ZNF670: variants seen among roughly 807,000 people sequenced by gnomAD.
ZNF670 encodes zinc finger protein 670.
A neutral mutation model predicts 10.9 loss-of-function variants in ZNF670; 7 were observed. That is an observed-to-expected ratio of 0.64 (90% CI 0.36 to 1.20). The LOEUF (loss-of-function observed/expected upper bound fraction) is 1.20. Ranked by LOEUF, ZNF670 falls within the 50% of genes most tolerant of loss-of-function variation. ZNF670 has a pLI of 0.02. For synonymous variants in ZNF670, 136 were observed against 152.7 expected (o/e 0.89, Z 0.81); for missense variants, 446 against 458.6 (o/e 0.97, Z 0.25).
In ZNF670 at chr1:247,059,841, G is replaced by A. The variant is rs527336207; in HGVS notation, c.3+18753C>T. 1.4e-3 allele frequency among the ~76,000 whole-genome samples: 210 copies of A among 152,198 alleles called. 2 individuals carry two copies. Among genetic ancestry groups the A allele is most frequent in the African/African-American group, 4.8e-3 (201 of 41,536 alleles). On this transcript the variant is annotated intron_variant, in intron 1 of 3. Transcript: ENST00000366503. ...TACAATGTAAGGTTAATATACAAAA[G>A]CCAATTATTTTTCTGTATATTAGCA...
intron 1 of ZNF670, among the ~76,000 whole-genome samples, chr1:247,074,002 T>C (rs1238403014): frequency 6.6e-6 from 1 of 152,122 alleles, no homozygotes; most frequent in Non-Finnish European, 1.5e-5. Flanking sequence ...CAGGGGAAGA[T>C]GGGGTGAGTA....
chr1:247,060,647 C>G (rs974057141), intron 1 of ZNF670, among the ~76,000 whole-genome samples: 5 of 152,036 alleles, frequency 3.3e-5, no homozygotes, highest in African/African-American at 4.8e-5. Context: ...TTTCTGCAAA[C>G]CTAAATGTGC....
Position 247,078,698 on chromosome 1 carries a change from A to G in ZNF670, c.-102T>C. On this transcript the variant is annotated 5_prime_UTR_variant, in exon 1 of 4. Transcript: ENST00000366503. ...GCGGGACCACTTGGACCTCCCAGGG[A>G]TAAGGGGAAGGAGCAGCGGAGACGC... 1 of 1,351,294 alleles carries G rather than the reference A, an allele frequency of 7.4e-7. No homozygotes were observed. The allele number at this position is 1,351,294 out of a possible 1,614,324, so 83.7% of individuals were successfully genotyped here. A position where few individuals can be genotyped will look rare whatever the true frequency, so the allele number is the denominator to read the frequency against.
At position 247,078,715 on chromosome 1, in the gene ZNF670, C is replaced by A. The variant is rs527648346; in HGVS notation, c.-119G>T. The A allele has an allele frequency of 1.8e-6, 2 of 1,125,210 alleles. No individual in the cohort carries two copies. The highest frequency in any genetic ancestry group is 2.6e-6 in the Non-Finnish European group (2 of 775,066). The allele number at this position is 1,125,210 out of a possible 1,614,324, so 69.7% of individuals were successfully genotyped here. ...TCCCAGGGATAAGGGGAAGGAGCAG[C>A]GGAGACGCACCGAGCTCGCCACATT... On this transcript the variant is annotated 5_prime_UTR_variant, in exon 1 of 4. Coordinates refer to ENST00000366503, the MANE Select transcript of ZNF670 (RefSeq NM_033213.5).
chr1:247,038,740 C>T (rs927080482), intron 3 of ZNF670, 70 bp downstream of exon 3: 15 of 1,366,724 alleles, frequency 1.1e-5, no homozygotes, highest in African/African-American at 1.5e-5. Context: ...GTTGTTTTGT[C>T]TGTTTTAAAA....
At position 247,038,293 on chromosome 1, in the gene ZNF670, C is replaced by G; in HGVS notation, c.326G>C (p.Gly109Ala). 1.2e-6 allele frequency: 2 copies of G among 1,614,154 alleles called. No individual in the cohort carries two copies. Among genetic ancestry groups the G allele is most frequent in the Non-Finnish European group, 8.5e-7 (1 of 1,180,004 alleles). The change falls in exon 4 of 4, where the codon GGA (glycine) becomes GCA (alanine). Residue 109 changes from glycine to alanine, a missense_variant. Physicochemically the swap from Gly to Ala is moderately conservative, Grantham distance 60 (BLOSUM62 0). Transcript: ENST00000366503. ...GGCTGAATGACATATGAAGACTTTT[C>G]CACACACACTGCATTCACATGGCTT... Reference protein sequence around the residue: ...GVKPCECSVCGKVFICHSALH... With the variant: ...GVKPCECSVCAKVFICHSALH...
intron 1 of ZNF670, among the ~76,000 whole-genome samples, chr1:247,047,525 T>C (rs1043878730): frequency 2.6e-5 from 4 of 151,884 alleles, no homozygotes; most frequent in Non-Finnish European, 4.4e-5. Flanking sequence ...TCCTCTGAAA[T>C]TGTGGCAGAG....
rs570827535 is a variant in ZNF670 at position 247,060,612 on chromosome 1, G to A, written c.3+17982C>T. ...ATGAATGAGAGAACAGGTAAATATG[G>A]GAACTCCGTACTATCTGCCCAATTT... On this transcript the variant is annotated intron_variant, in intron 1 of 3. Transcript: ENST00000366503. 4.6e-5 allele frequency among the ~76,000 whole-genome samples: 7 copies of A among 152,232 alleles called. No homozygotes were observed. The East Asian group carries it at 1.3e-3, about 29-fold the overall frequency.
At position 247,055,282 on chromosome 1, in the gene ZNF670, G is replaced by A. The variant is rs145013173; in HGVS notation, c.4-15745C>T. ...TTCCTTTTTTAGACACACTTTGTGTGAGCCAAGCCTCTATGAATCATCACT... is the reference window on the plus strand; with the variant it reads ...TTCCTTTTTTAGACACACTTTGTGTAAGCCAAGCCTCTATGAATCATCACT... On this transcript the variant is annotated intron_variant, in intron 1 of 3. Transcript: ENST00000366503. Among the ~76,000 whole-genome samples the A allele has an allele frequency of 2.5e-3, 379 of 152,298 alleles. 3 individuals carry two copies. Among genetic ancestry groups the A allele is most frequent in the African/African-American group, 8.8e-3 (367 of 41,564 alleles).
intron 2 of ZNF670, 85 bp downstream of exon 2, chr1:247,039,326 G>C: frequency 6.7e-7 from 1 of 1,499,084 alleles, no homozygotes; most frequent in Non-Finnish European, 9.0e-7. Flanking sequence ...CTCCCAAAGT[G>C]CTGGGATTAC....
intron 1 of ZNF670, among the ~76,000 whole-genome samples, chr1:247,057,777 C>A (rs1398462448): frequency 1.3e-5 from 2 of 151,890 alleles, no homozygotes; most frequent in Non-Finnish European, 2.9e-5. Context: ...TGAGAACTGA[C>A]AATTAAAATG....
intron 1 of ZNF670, among the ~76,000 whole-genome samples, chr1:247,077,357 G>T (rs1671277874): frequency 6.6e-6 from 1 of 152,186 alleles, no homozygotes; most frequent in African/African-American, 2.4e-5. Context: ...AAGAGATCTG[G>T]CTGCTAAACA....
intron 3 of ZNF670, among the ~76,000 whole-genome samples, 153 bp downstream of exon 3, chr1:247,038,657 A>C (rs1465610190): frequency 6.6e-6 from 1 of 152,212 alleles, no homozygotes; most frequent in African/African-American, 2.4e-5. Flanking sequence ...GAAAATATTG[A>C]ACATCAATGT....
At chr1:247,060,290 G>T (rs750092248) in intron 1 of ZNF670, among the ~76,000 whole-genome samples, 1 of 152,056 alleles carries the variant, frequency 6.6e-6, no homozygotes, top group Non-Finnish European at 1.5e-5. Flanking sequence ...AAACAAAAGA[G>T]GGCAGAAAAC....
chr1:247,037,007 A>C lies in ZNF670; in HGVS notation c.*442T>G, dbSNP rs1488778494. On this transcript the variant is annotated 3_prime_UTR_variant, in exon 4 of 4. Transcript: ENST00000366503. Reference sequence around the variant, plus strand: ...AAATACATTTCAACTTAGTCTAGGGATCCAACAAATTTTTAAATGAATAGA... The same window carrying C: ...AAATACATTTCAACTTAGTCTAGGGCTCCAACAAATTTTTAAATGAATAGA... 3.8e-5 allele frequency: 6 copies of C among 156,788 alleles called. No individual in the cohort carries two copies. The East Asian group carries it at 1.1e-3, about 30-fold the overall frequency. The allele number at this position is 156,788 out of a possible 1,614,324, so 9.7% of individuals were successfully genotyped here. A position where few individuals can be genotyped will look rare whatever the true frequency, so the allele number is the denominator to read the frequency against.
intron 1 of ZNF670, among the ~76,000 whole-genome samples, chr1:247,072,851 CAT>C (rs757296329): frequency 0.12 from 12,863 of 109,150 alleles, 1,225 homozygotes; most frequent in South Asian, 0.25. Flanking sequence ...CATACACACA[CAT>C]ACACACACAC....
intron 1 of ZNF670, among the ~76,000 whole-genome samples, chr1:247,065,957 G>C (rs1670970540): frequency 6.6e-6 from 1 of 152,172 alleles, no homozygotes; most frequent in Non-Finnish European, 1.5e-5. Flanking sequence ...CAAAAGCAAG[G>C]ACACTGTCAA....
intron 1 of ZNF670, among the ~76,000 whole-genome samples, chr1:247,064,612 T>C (rs1440168860): frequency 2.0e-5 from 3 of 152,100 alleles, no homozygotes. Context: ...GGGCACAGCA[T>C]GGACAGGAAA....
chr1:247,060,142 T>C (rs1670824169), intron 1 of ZNF670, among the ~76,000 whole-genome samples: 1 of 152,086 alleles, frequency 6.6e-6, no homozygotes, highest in Non-Finnish European at 1.5e-5. Flanking sequence ...TTCTAACACC[T>C]ATATGAAAAG....
Sources: gnomAD v4.1 joint callset for allele counts (sites outside exome capture counted in the v4.1 genomes callset) on GRCh38, gnomAD v4.1.1 for gene constraint, MANE v1.5 for transcripts, NCBI Gene and HGNC (gene_info 2026-07-23, HGNC 2026-07-21) for gene names.